The following LAMA1 variants were observed in gnomAD, a reference collection of about 807,000 sequenced individuals.
LAMA1 encodes the protein laminin subunit alpha 1, also known as laminin subunit alpha-1.
In LAMA1, 219 loss-of-function variants were observed where a neutral mutation model predicts 348.7. The observed-to-expected ratio is 0.63, with a 90% CI of 0.56 to 0.70. The LOEUF is 0.70. Ranked by LOEUF, LAMA1 falls within the 30% of genes least tolerant of loss-of-function variation. The pLI is 0.00. For synonymous variants in LAMA1, 1,487 were observed against 1,491.0 expected (o/e 1.00, Z 0.06); for missense variants, 3,744 against 3,888.0 (o/e 0.96, Z 0.99).
chr18:6,971,957 G>T lies in LAMA1; in HGVS notation c.6799C>A (p.His2267Asn), dbSNP rs1410451982. The T allele has an allele frequency of 6.2e-6, 10 of 1,613,908 alleles. No homozygotes were observed. Among genetic ancestry groups the T allele is most frequent in the African/African-American group, 1.3e-5 (1 of 74,890 alleles). Residue 2267 changes from histidine to asparagine, a missense_variant, in exon 48 of 63, where the codon CAT (histidine) becomes AAT (asparagine). Physicochemically the swap from His to Asn is moderately conservative, Grantham distance 68. Coordinates refer to ENST00000389658, the MANE Select transcript of LAMA1 (RefSeq NM_005559.4). ...IKKSPAVKVT[H>N]FKGCLGEAFL... Reference sequence around the variant, plus strand: ...GCCTCCCCCAAGCAGCCTTTAAAATGAGTAACCTTCACAGCAGGAGATTTC... The same window carrying T: ...GCCTCCCCCAAGCAGCCTTTAAAATTAGTAACCTTCACAGCAGGAGATTTC...
intron 41 of LAMA1, among the ~76,000 whole-genome samples, chr18:6,981,139 G>C (rs1265157061): frequency 6.6e-6 from 1 of 151,694 alleles, no homozygotes; most frequent in South Asian, 2.1e-4. Flanking sequence ...TGTGTTTCTA[G>C]CTTGCTCGAT....
chr18:7,000,875 G>A (rs911193141), intron 30 of LAMA1, among the ~76,000 whole-genome samples: 18 of 152,154 alleles, frequency 1.2e-4, no homozygotes, highest in South Asian at 2.1e-4. Context: ...AACAAAATAT[G>A]TAGAAAATAA....
rs887080986 is a variant in LAMA1, at chr18:7,024,921, G to T, written c.2403-455C>A. On this transcript the variant is annotated intron_variant, in intron 17 of 62. Coordinates refer to ENST00000389658, the MANE Select transcript of LAMA1 (RefSeq NM_005559.4). ...AGTGAGCTCACTCAAACACAAAGTG[G>T]TCAGGAGGCTCTCGCACCTCTCCAG... Among the ~76,000 whole-genome samples, 4 of 152,336 alleles carry T rather than the reference G, an allele frequency of 2.6e-5. No individual in the cohort carries two copies. In the East Asian group the frequency reaches 7.7e-4, roughly 29 times the overall value.
intron 1 of LAMA1, among the ~76,000 whole-genome samples, chr18:7,099,862 T>C (rs932175420): frequency 2.0e-5 from 3 of 151,662 alleles, no homozygotes; most frequent in Non-Finnish European, 1.5e-5. Flanking sequence ...ATTGAGACCA[T>C]CCTGGCTAAC....
chr18:7,094,059 G>T (rs1291808331), intron 1 of LAMA1, among the ~76,000 whole-genome samples: 1 of 152,126 alleles, frequency 6.6e-6, no homozygotes, highest in Admixed American at 6.6e-5. Flanking sequence ...TTATAGGAGT[G>T]AGCCACTACG....
intron 56 of LAMA1, chr18:6,955,758 G>A (rs2057573648): frequency 1.0e-5 from 5 of 490,874 alleles, no homozygotes; most frequent in African/African-American, 5.8e-5. Flanking sequence ...GGCTTAAGGG[G>A]CAAAGGCCTT....
chr18:7,076,605 A>G (rs2058169294), intron 3 of LAMA1, among the ~76,000 whole-genome samples: 1 of 152,082 alleles, frequency 6.6e-6, no homozygotes, highest in Non-Finnish European at 1.5e-5. Context: ...TCAGATGAGA[A>G]GAGATTTAAG....
chr18:7,044,902 T>C (rs1179725174), intron 6 of LAMA1, 63 bp from the exon 7 acceptor site: 1 of 1,233,346 alleles, frequency 8.1e-7, no homozygotes, highest in Non-Finnish European at 1.2e-6. Context: ...CTTAATTTCA[T>C]GGTAAAAAGA....
At chr18:7,004,371 A>C (rs2057822710) in intron 29 of LAMA1, among the ~76,000 whole-genome samples, 1 of 151,274 alleles carries the variant, frequency 6.6e-6, no homozygotes, top group African/African-American at 2.4e-5. Flanking sequence ...TTTTTTTTTG[A>C]GGTGGAGTTT....
chr18:7,039,882 A>C (rs543715624), intron 10 of LAMA1, among the ~76,000 whole-genome samples, 194 bp downstream of exon 10: 24 of 152,324 alleles, frequency 1.6e-4, no homozygotes, highest in Admixed American at 6.5e-4. Context: ...ACAAAAAAAG[A>C]AGCCAGATGC....
rs1230603247 is a variant in LAMA1 at position 6,977,806 on chromosome 18, T to G, written c.6266A>C (p.Lys2089Thr). The G allele has an allele frequency of 2.5e-6, 4 of 1,614,050 alleles. No individual in the cohort carries two copies. Among genetic ancestry groups the G allele is most frequent in the Non-Finnish European group, 3.4e-6 (4 of 1,180,042 alleles). The change falls in exon 44 of 63, where the codon AAG (lysine) becomes ACG (threonine). Residue 2089 changes from lysine (K) to threonine (T), a missense_variant. This residue lies in a region of LAMA1 where 1,983 missense variants were observed against 1,934.3 expected (regional missense o/e 1.03). Transcript: ENST00000389658. ...TCTGCTCAGATTCTCCTCTAACATC[T>G]TCAAAGGCTTCAACCGATCAAACAA... ...NLLFDRLKPL[K>T]MLEENLSRNL...
intron 1 of LAMA1, among the ~76,000 whole-genome samples, chr18:7,097,625 A>C (rs2058267556): frequency 6.6e-6 from 1 of 152,164 alleles, no homozygotes; most frequent in Admixed American, 6.5e-5. Flanking sequence ...CCTATTTCAA[A>C]ACTTACTATA....
At chr18:7,073,790 C>G (rs574902351) in intron 3 of LAMA1, among the ~76,000 whole-genome samples, 49 of 151,850 alleles carry the variant, frequency 3.2e-4, no homozygotes, top group Non-Finnish European at 5.7e-4. Flanking sequence ...TGCTGTAATT[C>G]TATGTTTATT....
rs1489983309 is a variant in LAMA1, at chr18:7,016,490, C to T, written c.2989+1G>A. ...TCTCAAACAAGGAAATCAAGGCTTACGTGTACAGCTACCATCCTGGTAGGC... is the reference window on the plus strand; with the variant it reads ...TCTCAAACAAGGAAATCAAGGCTTATGTGTACAGCTACCATCCTGGTAGGC... On this transcript the variant is annotated splice_donor_variant, in intron 21 of 62. Coordinates refer to ENST00000389658, the MANE Select transcript of LAMA1 (RefSeq NM_005559.4). LOFTEE classifies it high-confidence loss of function. 1.2e-5 allele frequency: 19 copies of T among 1,614,184 alleles called. No homozygotes were observed. The highest frequency in any genetic ancestry group is 1.4e-5 in the Non-Finnish European group (17 of 1,180,026).
At chr18:6,943,786 T>A (rs1354571827) in intron 61 of LAMA1, among the ~76,000 whole-genome samples, 1 of 135,620 alleles carries the variant, frequency 7.4e-6, no homozygotes, top group Non-Finnish European at 1.5e-5. Flanking sequence ...GAGGTTGCGG[T>A]GAGCCAAGAT....
intron 3 of LAMA1, among the ~76,000 whole-genome samples, chr18:7,057,959 C>CAATTTTTTTT (rs2058089033): frequency 6.6e-6 from 1 of 151,044 alleles, no homozygotes. Flanking sequence ...CACGTCCGGC[C>CAATTTTTTTT]AATTTTTTTT....
chr18:6,981,691 T>A (rs999747125), intron 41 of LAMA1, among the ~76,000 whole-genome samples: 13 of 152,046 alleles, frequency 8.6e-5, no homozygotes, highest in African/African-American at 3.1e-4. Flanking sequence ...GAAAAAAAAA[T>A]TATGTACATA....
chr18:7,014,860 T>A (rs2057879015), intron 22 of LAMA1, among the ~76,000 whole-genome samples: 1 of 152,164 alleles, frequency 6.6e-6, no homozygotes, highest in Non-Finnish European at 1.5e-5. Flanking sequence ...TTTTCTTTTT[T>A]TTCTGAGACA....
intron 59 of LAMA1, among the ~76,000 whole-genome samples, chr18:6,948,900 T>A (rs768082510): frequency 6.6e-6 from 1 of 152,180 alleles, no homozygotes; most frequent in East Asian, 1.9e-4. Flanking sequence ...GTTCATTAAC[T>A]AACAGGCTGG....
Sources: gnomAD v4.1 joint callset for allele counts (sites outside exome capture counted in the v4.1 genomes callset) on GRCh38, gnomAD v4.1.1 for gene constraint, gnomAD v4.1.1 regional missense constraint, MANE v1.5 for transcripts, NCBI Gene and HGNC (gene_info 2026-07-23, HGNC 2026-07-21) for gene names.